GABRB2: variants seen among roughly 807,000 people sequenced by gnomAD.
GABRB2 encodes gamma-aminobutyric acid type A receptor subunit beta2, also known as gamma-aminobutyric acid receptor subunit beta-2.
In GABRB2, 16 loss-of-function variants were observed where a neutral mutation model predicts 54.7. The observed-to-expected ratio is 0.29, with a 90% CI of 0.20 to 0.44. GABRB2 has a LOEUF of 0.44. GABRB2 is among the 20% of genes least tolerant of loss of function. The probability of loss-of-function intolerance (pLI) is 1.00; values close to 1 mark genes in which losing one functional copy is unlikely to be tolerated. For missense variants in GABRB2, 355 were observed against 644.0 expected (o/e 0.55, Z 4.86); for synonymous variants, 244 against 233.8 (o/e 1.04, Z -0.40).
chr5:161,395,200 G>A (rs1755957559), intron 5 of GABRB2, among the ~76,000 whole-genome samples: 1 of 152,072 alleles, frequency 6.6e-6, no homozygotes, highest in South Asian at 2.1e-4. Flanking sequence ...TCTTTATGAA[G>A]GGATGGATAT....
chr5:161,427,396 A>C (rs754387422), intron 4 of GABRB2, among the ~76,000 whole-genome samples: 1 of 152,092 alleles, frequency 6.6e-6, no homozygotes, highest in Non-Finnish European at 1.5e-5. Context: ...TAATGAAATA[A>C]CTCTACTGAG....
At chr5:161,352,897 T>G (rs1395004639) in intron 5 of GABRB2, among the ~76,000 whole-genome samples, 1 of 151,988 alleles carries the variant, frequency 6.6e-6, no homozygotes, top group Non-Finnish European at 1.5e-5. Flanking sequence ...ACGGTCTTAG[T>G]AGAACAAACA....
chr5:161,491,591 T>C (rs2113353689), intron 3 of GABRB2, among the ~76,000 whole-genome samples: 1 of 151,702 alleles, frequency 6.6e-6, no homozygotes, highest in South Asian at 2.1e-4. Flanking sequence ...GCAATGATTG[T>C]TTTATTCATT....
chr5:161,537,813 T>C (rs1391147180), intron 3 of GABRB2, among the ~76,000 whole-genome samples: 1 of 152,090 alleles, frequency 6.6e-6, no homozygotes, highest in African/African-American at 2.4e-5. Context: ...TCTTCATCTT[T>C]TGATCCCCAC....
intron 4 of GABRB2, among the ~76,000 whole-genome samples, chr5:161,436,661 C>T (rs1326502019): frequency 6.6e-6 from 1 of 152,102 alleles, no homozygotes; most frequent in Non-Finnish European, 1.5e-5. Context: ...GAAAAATATA[C>T]TTTCATAAGA....
intron 3 of GABRB2, among the ~76,000 whole-genome samples, chr5:161,482,573 A>T (rs1758793867): frequency 6.6e-6 from 1 of 152,088 alleles, no homozygotes; most frequent in African/African-American, 2.4e-5. Flanking sequence ...ATATAGTGTT[A>T]AATCCACAAC....
At chr5:161,329,984 G>A (rs1753782907) in intron 8 of GABRB2, 1 of 152,308 alleles carries the variant, frequency 6.6e-6, no homozygotes, top group East Asian at 1.9e-4. Flanking sequence ...CCTTAAAGTG[G>A]TGATTCTCAA....
chr5:161,498,314 C>T (rs1759319454), intron 3 of GABRB2, among the ~76,000 whole-genome samples: 1 of 150,574 alleles, frequency 6.6e-6, no homozygotes, highest in African/African-American at 2.4e-5. Context: ...ACCACTCTTT[C>T]GTTAATGAAA....
At chr5:161,540,637 C>CAA (rs201464923) in intron 3 of GABRB2, among the ~76,000 whole-genome samples, 3,043 of 152,252 alleles carry the variant, frequency 0.02, 37 homozygotes, top group Middle Eastern at 0.037. Flanking sequence ...TATAGCCTTA[C>CAA]TAATTGTACT....
At chr5:161,391,621 A>G (rs899281390) in intron 5 of GABRB2, among the ~76,000 whole-genome samples, 6 of 152,176 alleles carry the variant, frequency 3.9e-5, no homozygotes, top group African/African-American at 1.4e-4. Flanking sequence ...TAGCATTAGG[A>G]ATCATGCCCA....
At chr5:161,380,077 C>T (rs1403546651) in intron 5 of GABRB2, among the ~76,000 whole-genome samples, 2 of 152,036 alleles carry the variant, frequency 1.3e-5, no homozygotes, top group Non-Finnish European at 1.5e-5. Flanking sequence ...ATTGCTTGGG[C>T]CCCTAATTCT....
chr5:161,314,485 T>A (rs1054032475), intron 9 of GABRB2, among the ~76,000 whole-genome samples: 1 of 152,146 alleles, frequency 6.6e-6, no homozygotes, highest in Non-Finnish European at 1.5e-5. Context: ...CATCAAGTAA[T>A]CCTGCAAACC....
In GABRB2 at chr5:161,459,640, C is replaced by T. The variant is rs1581004188; in HGVS notation, c.442G>A (p.Val148Ile). The T allele has an allele frequency of 2.5e-6, 4 of 1,613,914 alleles. No individual in the cohort carries two copies. Among genetic ancestry groups the T allele is most frequent in the Non-Finnish European group, 3.4e-6 (4 of 1,179,838 alleles). Reference sequence around the variant, plus strand: ...ACAACAGACCTGAGTCCATAAAGGACGGTGCCATCAGGATGCAGGCGAATC... The same window carrying T: ...ACAACAGACCTGAGTCCATAAAGGATGGTGCCATCAGGATGCAGGCGAATC... ...RMIRLHPDGT[V>I]LYGLRITTTA... The change falls in exon 4 of 10, where the codon GTC becomes ATC. Residue 148 changes from valine to isoleucine, a missense_variant. By Grantham distance (29) the Val-to-Ile change is conservative. Coordinates refer to ENST00000393959, the MANE Select transcript of GABRB2 (RefSeq NM_001371727.1).
chr5:161,354,448 C>T (rs1057284604), intron 5 of GABRB2, among the ~76,000 whole-genome samples: 17 of 151,966 alleles, frequency 1.1e-4, no homozygotes, highest in African/African-American at 3.9e-4. Flanking sequence ...AAATGTGACA[C>T]AACCGCATCC....
chr5:161,313,864 G>A (rs11743403), intron 9 of GABRB2, among the ~76,000 whole-genome samples: 3,784 of 152,234 alleles, frequency 0.025, 68 homozygotes, highest in East Asian at 0.076. Context: ...ATCTATAATC[G>A]AGTAGGTTTG....
Position 161,448,232 on chromosome 5 carries a change from G to A in GABRB2, c.458+11392C>T, listed in dbSNP as rs771975040. ...GTGAAAAGGAGTTCAAGACCAGCCTGGGGAACATAGTGAGACCTTGTCTGT... is the reference window on the plus strand; with the variant it reads ...GTGAAAAGGAGTTCAAGACCAGCCTAGGGAACATAGTGAGACCTTGTCTGT... On this transcript the variant is annotated intron_variant, in intron 4 of 9. Transcript: ENST00000393959. Among the ~76,000 whole-genome samples the A allele has an allele frequency of 6.2e-4, 95 of 152,196 alleles. 1 individual carries two copies. Among genetic ancestry groups the A allele is most frequent in the Non-Finnish European group, 1.2e-3 (79 of 68,010 alleles).
chr5:161,451,318 G>A (rs1171223287), intron 4 of GABRB2, among the ~76,000 whole-genome samples: 1 of 152,146 alleles, frequency 6.6e-6, no homozygotes, highest in African/African-American at 2.4e-5. Context: ...CATATGGGAG[G>A]TGTATACACA....
chr5:161,305,862 GT>G (rs1207314868), intron 9 of GABRB2, among the ~76,000 whole-genome samples: 3 of 152,190 alleles, frequency 2.0e-5, no homozygotes, highest in Non-Finnish European at 4.4e-5. Context: ...AAGGAGCTAT[GT>G]TTTTTTCCCT....
rs114756323 is a variant in GABRB2 at position 161,494,359 on chromosome 5, A to G, written c.238-34515T>C. Among the ~76,000 whole-genome samples the G allele has an allele frequency of 2.0e-3, 299 of 152,000 alleles. 1 individual carries two copies. The highest frequency in any genetic ancestry group is 0.014 in the Middle Eastern group (4 of 294). On this transcript the variant is annotated intron_variant, in intron 3 of 9. Transcript: ENST00000393959. ...AGAATTTAAGAATGCTTACTGGATTACGTAATAGATGAGAAGAGACCATGA... is the reference window on the plus strand; with the variant it reads ...AGAATTTAAGAATGCTTACTGGATTGCGTAATAGATGAGAAGAGACCATGA...
Sources: gnomAD v4.1 joint callset for allele counts (sites outside exome capture counted in the v4.1 genomes callset) on GRCh38, gnomAD v4.1.1 for gene constraint, MANE v1.5 for transcripts, NCBI Gene and HGNC (gene_info 2026-07-23, HGNC 2026-07-21) for gene names.